Variants in CTSH observed in about 807,000 individuals in gnomAD.
The protein encoded by CTSH is cathepsin H.
Under a neutral mutation model 56.3 loss-of-function variants are expected in CTSH, and 52 were observed. The ratio of observed to expected loss-of-function variants is 0.92; its 90% CI spans 0.74 to 1.16. The LOEUF (loss-of-function observed/expected upper bound fraction) is 1.16, where lower values mean the gene tolerates loss of function less well. Ranked by LOEUF, CTSH falls within the 50% of genes most tolerant of loss-of-function variation. The pLI is 0.00. For synonymous variants in CTSH, 174 were observed against 155.7 expected, an observed-to-expected ratio of 1.12 and a Z score of -0.88; for missense variants, 406 against 424.5, an observed-to-expected ratio of 0.96 and a Z score of 0.38.
chr15:78,922,410 C>T (rs1402024695), intron 11 of CTSH, among the ~76,000 whole-genome samples: 1 of 152,192 alleles, frequency 6.6e-6, no homozygotes, highest in Non-Finnish European at 1.5e-5. Flanking sequence ...CCTTAGCTGC[C>T]AAATGAATGA....
At position 78,939,018 on chromosome 15, in the gene CTSH, A is replaced by G. The variant is rs2055233064; in HGVS notation, c.123+122T>C. 3 of 858,838 alleles carry G rather than the reference A, an allele frequency of 3.5e-6. No homozygotes were observed. In the East Asian group the frequency reaches 7.5e-5, roughly 22 times the overall value. The allele number at this position is 858,838 out of a possible 1,614,324, so 53.2% of individuals were successfully genotyped here. A position where few individuals can be genotyped will look rare whatever the true frequency, so the allele number is the denominator to read the frequency against. On this transcript the variant is annotated intron_variant, in intron 2 of 11. Coordinates refer to ENST00000220166, the MANE Select transcript of CTSH (RefSeq NM_004390.5). Reference sequence around the variant, plus strand: ...TGTTTGGCCAGTTCAACTTCTGGAAAGACCCCACTAGGCAAAGTTGGAAAT... The same window carrying G: ...TGTTTGGCCAGTTCAACTTCTGGAAGGACCCCACTAGGCAAAGTTGGAAAT...
At chr15:78,937,633 C>A (rs1306541832) in intron 2 of CTSH, 3 of 1,400,966 alleles carry the variant, frequency 2.1e-6, no homozygotes, top group Non-Finnish European at 1.9e-6. Flanking sequence ...GAATGAAGAC[C>A]ATGCAGCTGC....
At chr15:78,939,784 G>T (rs113452494) in intron 1 of CTSH, among the ~76,000 whole-genome samples, 1 of 152,168 alleles carries the variant, frequency 6.6e-6, no homozygotes, top group Non-Finnish European at 1.5e-5. Context: ...CTACTCGGGA[G>T]GCTGAGGAGA....
At chr15:78,935,595 C>T (rs2055158440) in intron 4 of CTSH, 85 bp downstream of exon 4, 1 of 1,175,934 alleles carries the variant, frequency 8.5e-7, no homozygotes, top group Non-Finnish European at 1.2e-6. Context: ...GGGACTGAAT[C>T]TGCCTAGAAG....
At chr15:78,927,681 A>AT in intron 9 of CTSH, 32 bp downstream of exon 9, 1 of 1,603,312 alleles carries the variant, frequency 6.2e-7, no homozygotes, top group African/African-American at 1.3e-5. Flanking sequence ...ATCAGGACAC[A>AT]TTCCCCATCC....
At chr15:78,932,650 G>C (rs28633418) in intron 5 of CTSH, among the ~76,000 whole-genome samples, 192 bp from the exon 6 acceptor site, 5 of 150,658 alleles carry the variant, frequency 3.3e-5, no homozygotes, top group African/African-American at 1.2e-4. Context: ...TCATTCTGAG[G>C]CTCGCAAGCC....
intron 8 of CTSH, among the ~76,000 whole-genome samples, chr15:78,928,335 A>G (rs575127309): frequency 6.7e-6 from 1 of 149,282 alleles, no homozygotes; most frequent in East Asian, 2.1e-4. Flanking sequence ...TGGGAGGCCG[A>G]GGCGGTAGAT....
In CTSH at chr15:78,936,618, G is replaced by T. The variant is rs187329596; in HGVS notation, c.229+700C>A. On this transcript the variant is annotated intron_variant, in intron 3 of 11. Coordinates refer to ENST00000220166, the MANE Select transcript of CTSH (RefSeq NM_004390.5). ...CTCAGAGTCCTCAGAAAATACGCTG[G>T]ACGTGCGTGTGAGTTTCTTTTTTTT... is the stretch of plus-strand genomic sequence containing the variant. Among the ~76,000 whole-genome samples the T allele has an allele frequency of 3.6e-3, 546 of 151,516 alleles. 10 individuals are homozygous for T. The South Asian group carries it at 0.043, about 12-fold the overall frequency.
At chr15:78,931,892 T>C in intron 6 of CTSH, 7 of 1,217,604 alleles carry the variant, frequency 5.7e-6, no homozygotes, top group Non-Finnish European at 7.3e-6. Context: ...AGGGTCCTCA[T>C]GGCATCACCA....
chr15:78,930,998 G>C (rs1370517562), intron 7 of CTSH, among the ~76,000 whole-genome samples: 1 of 152,182 alleles, frequency 6.6e-6, no homozygotes, highest in African/African-American at 2.4e-5. Flanking sequence ...TCCAGGCAAG[G>C]TACAGCCCTT....
In CTSH at chr15:78,925,368, C is replaced by A; in HGVS notation, c.772G>T (p.Asp258Tyr). 6.2e-7 allele frequency: 1 copy of A among 1,613,778 alleles called. No homozygotes were observed. Among genetic ancestry groups the A allele is most frequent in the Admixed American group, 1.7e-5 (1 of 60,032 alleles). The stretch of plus-strand genomic sequence containing the variant: ...ATGCCGGTTCTATACATCATGAAGT[C>A]CTGAGTCACCTCAAAGGCAAAGCTC... ...PVSFAFEVTQ[D>Y]FMMYRTGIYS... The change falls in exon 10 of 12, where the codon GAC becomes TAC. Residue 258 changes from aspartate (D) to tyrosine (Y), a missense_variant. Asp to Tyr is a radical substitution (Grantham distance 160). Coordinates refer to ENST00000220166, the MANE Select transcript of CTSH (RefSeq NM_004390.5).
Position 78,935,232 on chromosome 15 carries a change from TC to T in CTSH, c.301-151del, listed in dbSNP as rs149850795. The stretch of plus-strand genomic sequence containing the variant: ...GAACCTTCCCTCTCCTGTCTACTGG[TC>T]CCAAGTGCTAAATGACATGTCCCCT... On this transcript the variant is annotated intron_variant, in intron 4 of 11. Coordinates refer to ENST00000220166, the MANE Select transcript of CTSH (RefSeq NM_004390.5). The T allele has an allele frequency of 1.8e-4, 113 of 625,332 alleles. No homozygotes were observed. In the African/African-American group the frequency reaches 1.9e-3, roughly 10 times the overall value. The allele number at this position is 625,332 out of a possible 1,614,324, so 38.7% of individuals were successfully genotyped here.
intron 7 of CTSH, among the ~76,000 whole-genome samples, chr15:78,930,035 T>C (rs1284094246): frequency 6.6e-6 from 1 of 152,226 alleles, no homozygotes; most frequent in African/African-American, 2.4e-5. Flanking sequence ...GTCCCTTCTC[T>C]GTTTCTCTCC....
intron 5 of CTSH, chr15:78,933,492 C>T (rs1466011022): frequency 2.2e-6 from 1 of 448,386 alleles, no homozygotes; most frequent in Non-Finnish European, 4.5e-6. Context: ...TACCTGCCTC[C>T]CAGGTCATCA....
intron 3 of CTSH, among the ~76,000 whole-genome samples, chr15:78,936,121 T>G (rs1389223686): frequency 2.6e-5 from 4 of 151,996 alleles, no homozygotes; most frequent in Non-Finnish European, 4.4e-5. Context: ...GCTGCCTAAT[T>G]TGGTCTCTAC....
In CTSH at chr15:78,921,457, T is replaced by TGAG. The variant is rs2054767810; in HGVS notation, c.*670_*672dup. 6.6e-6 allele frequency: 1 copy of TGAG among 152,304 alleles called. No homozygotes were observed. Among genetic ancestry groups the TGAG allele is most frequent in the Admixed American group, 6.5e-5 (1 of 15,280 alleles). The allele number at this position is 152,304 out of a possible 1,614,324, so 9.4% of individuals were successfully genotyped here. ...CAGAGTCTGAGTAGGAGTAGGCAGC[T>TGAG]GAGACTGGGGAGGCCACACAGAGAA... On this transcript the variant is annotated 3_prime_UTR_variant, in exon 12 of 12. Transcript: ENST00000220166.
rs78864807 is a variant in CTSH at position 78,932,582 on chromosome 15, C to T, written c.406-124G>A. The T allele has an allele frequency of 6.6e-3, 4,489 of 680,518 alleles. 151 individuals are homozygous for T. The African/African-American group carries it at 0.071, about 11-fold the overall frequency. 42.2% of individuals were successfully genotyped at this position (680,518 alleles called of 1,614,324 possible). A position where few individuals can be genotyped will look rare whatever the true frequency, so the allele number is the denominator to read the frequency against. Reference sequence around the variant, plus strand: ...AGTCCCCAGGTGCCTTGGCAGTTTACCAAGCCCTGTTCCAGATCCATTCAT... The same window carrying T: ...AGTCCCCAGGTGCCTTGGCAGTTTATCAAGCCCTGTTCCAGATCCATTCAT... On this transcript the variant is annotated intron_variant, in intron 5 of 11. Coordinates refer to ENST00000220166, the MANE Select transcript of CTSH (RefSeq NM_004390.5).
At chr15:78,929,705 A>G (rs2055005578) in intron 7 of CTSH, among the ~76,000 whole-genome samples, 1 of 152,250 alleles carries the variant, frequency 6.6e-6, no homozygotes, top group East Asian at 1.9e-4. Flanking sequence ...CAGCCCAAAC[A>G]TGCCTCAGTG....
chr15:78,939,971 T>G (rs1170829291), intron 1 of CTSH, among the ~76,000 whole-genome samples: 1 of 152,232 alleles, frequency 6.6e-6, no homozygotes, highest in East Asian at 1.9e-4. Flanking sequence ...TATTTCAGGC[T>G]TTGCCATCTA....
Sources: gnomAD v4.1 joint callset for allele counts (sites outside exome capture counted in the v4.1 genomes callset) on GRCh38, gnomAD v4.1.1 for gene constraint, MANE v1.5 for transcripts, NCBI Gene and HGNC (gene_info 2026-07-23, HGNC 2026-07-21) for gene names.